GNAO1: variants seen among roughly 807,000 people sequenced by gnomAD.
GNAO1 encodes the protein G protein subunit alpha o1.
For synonymous variants in GNAO1, 164 were observed against 180.7 expected (o/e 0.91, Z 0.74); for missense variants, 166 against 478.7 (o/e 0.35, Z 6.10).
intron 2 of GNAO1, among the ~76,000 whole-genome samples, chr16:56,243,887 C>T (rs1029851364): frequency 2.0e-5 from 3 of 152,178 alleles, no homozygotes; most frequent in Non-Finnish European, 2.9e-5. Flanking sequence ...AACTCATTTG[C>T]GGTCACCCAG....
At chr16:56,282,450 T>G (rs558388366) in intron 3 of GNAO1, among the ~76,000 whole-genome samples, 30 of 152,340 alleles carry the variant, frequency 2.0e-4, no homozygotes, top group African/African-American at 7.2e-4. Flanking sequence ...TGGGCAAGGT[T>G]TTATCTGCAC....
chr16:56,344,300 T>A, intron 6 of GNAO1: 1 of 1,170,508 alleles, frequency 8.5e-7, no homozygotes, highest in Non-Finnish European at 1.1e-6. Flanking sequence ...CGGAGTGTCC[T>A]CCTGTCATCT....
chr16:56,294,367 C>G (rs956320467), intron 3 of GNAO1, among the ~76,000 whole-genome samples: 3 of 146,562 alleles, frequency 2.0e-5, no homozygotes, highest in Admixed American at 1.4e-4. Flanking sequence ...AAAAAGTGGA[C>G]TGGGTGTGAG....
At position 56,347,286 on chromosome 16, in the gene GNAO1, C is replaced by G. The variant is rs561597026; in HGVS notation, c.724-4098C>G. The G allele has an allele frequency of 5.1e-5, 50 of 985,368 alleles. 1 individual carries two copies. In the African/African-American group the frequency reaches 7.7e-4, roughly 15 times the overall value. 61.0% of individuals were successfully genotyped at this position (985,368 alleles called of 1,614,324 possible). A position where few individuals can be genotyped will look rare whatever the true frequency, so the allele number is the denominator to read the frequency against. On this transcript the variant is annotated intron_variant, in intron 6 of 8. Transcript: ENST00000262493. ...ACCCAGACCTGAGGCTCCAGCTCCG[C>G]GGCCACCAGAGATTCAGTGTGCAGT...
intron 2 of GNAO1, chr16:56,270,097 T>C (rs2037002133): frequency 6.6e-6 from 1 of 152,274 alleles, no homozygotes; most frequent in Non-Finnish European, 1.5e-5. Flanking sequence ...TCTCCTTGGT[T>C]GCCTCTTCCC....
chr16:56,249,018 G>C (rs1235592422), intron 2 of GNAO1, among the ~76,000 whole-genome samples: 1 of 152,158 alleles, frequency 6.6e-6, no homozygotes, highest in African/African-American at 2.4e-5. Flanking sequence ...CTACTAGGCC[G>C]CACAAATTCA....
chr16:56,309,315 G>A (rs2037431039), intron 3 of GNAO1, among the ~76,000 whole-genome samples: 1 of 152,210 alleles, frequency 6.6e-6, no homozygotes, highest in Admixed American at 6.5e-5. Context: ...TCTCAAAAAG[G>A]ATGAGGCCCC....
chr16:56,310,505 C>T (rs2037445890), intron 3 of GNAO1, among the ~76,000 whole-genome samples: 1 of 152,166 alleles, frequency 6.6e-6, no homozygotes, highest in Non-Finnish European at 1.5e-5. Flanking sequence ...TTTTACCCTT[C>T]TTAGGGGGAG....
At chr16:56,238,925 A>T (rs2036668230) in intron 2 of GNAO1, among the ~76,000 whole-genome samples, 1 of 152,254 alleles carries the variant, frequency 6.6e-6, no homozygotes, top group Non-Finnish European at 1.5e-5. Context: ...CAAACTGAAC[A>T]CATAATTTTA....
intron 2 of GNAO1, among the ~76,000 whole-genome samples, chr16:56,197,182 C>G (rs1277234050): frequency 6.6e-6 from 1 of 152,194 alleles, no homozygotes; most frequent in African/African-American, 2.4e-5. Flanking sequence ...AAAGTGCGTC[C>G]GTCTAAAAGG....
chr16:56,324,250 C>G (rs1167383276), intron 3 of GNAO1, among the ~76,000 whole-genome samples: 1 of 152,210 alleles, frequency 6.6e-6, no homozygotes, highest in East Asian at 1.9e-4. Flanking sequence ...TTGTAAATCA[C>G]ACCGTCTTGA....
chr16:56,284,114 A>T (rs1199280759), intron 3 of GNAO1, among the ~76,000 whole-genome samples: 1 of 152,016 alleles, frequency 6.6e-6, no homozygotes, highest in Non-Finnish European at 1.5e-5. Context: ...AATACTTATC[A>T]CTCAATTACT....
chr16:56,296,859 A>G (rs2037292401), intron 3 of GNAO1, among the ~76,000 whole-genome samples: 1 of 152,132 alleles, frequency 6.6e-6, no homozygotes, highest in African/African-American at 2.4e-5. Context: ...CTAGCAATAA[A>G]ATGAGGGAAT....
intron 2 of GNAO1, among the ~76,000 whole-genome samples, chr16:56,249,252 A>T (rs747850571): frequency 6.6e-6 from 1 of 152,138 alleles, no homozygotes; most frequent in East Asian, 1.9e-4. Context: ...ATGGGGGGGA[A>T]CAAGTTTGGG....
intron 2 of GNAO1, among the ~76,000 whole-genome samples, chr16:56,203,902 G>A (rs562515063): frequency 1.2e-4 from 19 of 152,342 alleles, no homozygotes; most frequent in Admixed American, 3.3e-4. Flanking sequence ...GAAAGGAAGA[G>A]TAGGGCTAGA....
chr16:56,218,519 G>A (rs901689085), intron 2 of GNAO1, among the ~76,000 whole-genome samples: 26 of 152,174 alleles, frequency 1.7e-4, no homozygotes, highest in Admixed American at 3.9e-4. Flanking sequence ...TACCATCACC[G>A]TGATACTTGG....
At chr16:56,194,826 G>A (rs2036217036) in intron 2 of GNAO1, among the ~76,000 whole-genome samples, 1 of 152,230 alleles carries the variant, frequency 6.6e-6, no homozygotes, top group African/African-American at 2.4e-5. Flanking sequence ...CCCCAAAGGG[G>A]TGCCTCGCCT....
chr16:56,257,712 T>C (rs1210854655), intron 2 of GNAO1, among the ~76,000 whole-genome samples: 1 of 152,256 alleles, frequency 6.6e-6, no homozygotes, highest in African/African-American at 2.4e-5. Flanking sequence ...TCCATTAGTT[T>C]AGCACTTTTC....
chr16:56,303,263 AG>A (rs2037362409), intron 3 of GNAO1, among the ~76,000 whole-genome samples: 2 of 152,150 alleles, frequency 1.3e-5, no homozygotes, highest in Non-Finnish European at 2.9e-5. Flanking sequence ...CCTGCCCCAG[AG>A]GAATCACAGT....
Sources: gnomAD v4.1 joint callset for allele counts (sites outside exome capture counted in the v4.1 genomes callset) on GRCh38, gnomAD v4.1.1 for gene constraint, MANE v1.5 for transcripts, NCBI Gene and HGNC (gene_info 2026-07-23, HGNC 2026-07-21) for gene names.